The following EML5 variants were observed in gnomAD, a reference collection of about 807,000 sequenced individuals.
The protein encoded by EML5 is echinoderm microtubule-associated protein-like 5.
EML5 carries 120 observed loss-of-function variants against 250.0 expected under a neutral mutation model. That is an observed-to-expected ratio of 0.48 (90% confidence interval 0.41 to 0.56). EML5 has a LOEUF of 0.56. Ranked by LOEUF, EML5 falls within the 20% of genes least tolerant of loss-of-function variation. EML5 has a pLI of 0.00. For missense variants in EML5, 2,006 were observed against 2,437.6 expected, an observed-to-expected ratio of 0.82 and a Z score of 3.73; for synonymous variants, 771 against 806.5, an observed-to-expected ratio of 0.96 and a Z score of 0.75.
intron 29 of EML5, 110 bp from the exon 30 acceptor site, chr14:88,644,621 G>T: frequency 1.1e-6 from 1 of 927,236 alleles, no homozygotes; most frequent in South Asian, 1.5e-5. Context: ...TCCCAAAGAT[G>T]ACCCATTCTG....
At position 88,616,155 on chromosome 14, in the gene EML5, C is replaced by T; in HGVS notation, c.5884G>A (p.Gly1962Ser). 6.2e-7 allele frequency: 1 copy of T among 1,613,880 alleles called. No individual in the cohort carries two copies. The highest frequency in any genetic ancestry group is 8.5e-7 in the Non-Finnish European group (1 of 1,179,800). The change falls in exon 43 of 44, where the codon GGT becomes AGT. Residue 1962 changes from glycine (G) to serine (S), a missense_variant. Gly to Ser is a moderately conservative substitution (Grantham distance 56). Around this residue, in one of 7 missense-constraint regions of EML5, gnomAD observed 56 missense variants for 55.1 expected, o/e 1.02. Transcript: ENST00000554922. ...SGDRHVVSAG[G>S]DDCSLFVWKC... The stretch of plus-strand genomic sequence containing the variant: ...AAAGTTACTAACCTGCAGTCATCAC[C>T]TCCAGCACTAACAACATGTCGATCA...
At chr14:88,772,257 C>G (rs1327004383) in intron 1 of EML5, among the ~76,000 whole-genome samples, 2 of 152,200 alleles carry the variant, frequency 1.3e-5, no homozygotes, top group Non-Finnish European at 2.9e-5. Context: ...CAGCATTCAT[C>G]TTACATCACA....
chr14:88,782,846 G>C (rs2094510771), intron 1 of EML5, among the ~76,000 whole-genome samples: 2 of 152,180 alleles, frequency 1.3e-5, no homozygotes, highest in Admixed American at 6.5e-5. Context: ...TTGGGAGGCT[G>C]AGGTGGGTGG....
At chr14:88,710,740 A>C (rs2093391258) in intron 10 of EML5, among the ~76,000 whole-genome samples, 1 of 146,306 alleles carries the variant, frequency 6.8e-6, no homozygotes, top group South Asian at 2.1e-4. Context: ...AATTACTAAC[A>C]AAAAAGCTAA....
chr14:88,770,982 A>G (rs1211986390), intron 1 of EML5, among the ~76,000 whole-genome samples: 1 of 152,210 alleles, frequency 6.6e-6, no homozygotes, highest in Non-Finnish European at 1.5e-5. Flanking sequence ...TCCCACAATT[A>G]CATATTAAGT....
intron 21 of EML5, among the ~76,000 whole-genome samples, chr14:88,674,031 G>A (rs887432301): frequency 3.9e-5 from 6 of 152,310 alleles, no homozygotes; most frequent in Admixed American, 3.3e-4. Context: ...CATTTTGGAA[G>A]GCTGAGGTGG....
intron 18 of EML5, among the ~76,000 whole-genome samples, chr14:88,687,865 CAGG>C (rs1346146882): frequency 2.0e-5 from 3 of 152,064 alleles, no homozygotes; most frequent in Admixed American, 2.0e-4. Flanking sequence ...AGCTTAAGCC[CAGG>C]AGTTGGAGAC....
Position 88,715,126 on chromosome 14 carries a change from A to G in EML5, c.1257T>C (p.Asp419=), listed in dbSNP as rs368932434. The change falls in exon 9 of 44, where the codon GAT becomes GAC. Residue 419 remains aspartate (D), a synonymous_variant. Transcript: ENST00000554922. ...TGCATCCAACAGCAAGGTAAGTTCCATCTGGTGAATATTTTAACTCATGAA... is the reference window on the plus strand; with the variant it reads ...TGCATCCAACAGCAAGGTAAGTTCCGTCTGGTGAATATTTTAACTCATGAA... The part of the protein sequence containing the change: ...EAIHELKYSP[D]GTYLAVGCND... 17 of 1,612,570 alleles carry G rather than the reference A, an allele frequency of 1.1e-5. No individual in the cohort carries two copies. In the African/African-American group the frequency reaches 2.3e-4, roughly 22 times the overall value.
intron 25 of EML5, among the ~76,000 whole-genome samples, chr14:88,660,908 A>C (rs1210948514): frequency 6.6e-6 from 1 of 152,140 alleles, no homozygotes; most frequent in Non-Finnish European, 1.5e-5. Context: ...GGTTTCAAAA[A>C]AAGTCATTCA....
chr14:88,706,145 A>G, intron 11 of EML5, 114 bp downstream of exon 11: 1 of 1,009,228 alleles, frequency 9.9e-7, no homozygotes, highest in Non-Finnish European at 1.4e-6. Context: ...TACTAATAAC[A>G]AACTACACTG....
Position 88,736,561 on chromosome 14 carries a change from C to A in EML5, c.852G>T (p.Leu284Phe). ...CTCGCCAACACACACTCCTTACAGA[C>A]AAACCTAGTAAAAAGTAAATTGTAT... The part of the protein sequence containing the change: ...LRETDQGYKG[L>F]SVRSVCWRGD... The change falls in exon 7 of 44, where the codon TTG (leucine) becomes TTT (phenylalanine). Residue 284 changes from leucine to phenylalanine, a missense_variant. By Grantham distance (22) the Leu-to-Phe change is conservative. Around this residue, in one of 7 missense-constraint regions of EML5, gnomAD observed 1,375 missense variants for 1,590.3 expected, o/e 0.86. Coordinates refer to ENST00000554922, the MANE Select transcript of EML5 (RefSeq NM_183387.3). The A allele has an allele frequency of 6.2e-7, 1 of 1,613,714 alleles. No individual in the cohort carries two copies. Among genetic ancestry groups the A allele is most frequent in the Non-Finnish European group, 8.5e-7 (1 of 1,179,792 alleles).
intron 31 of EML5, among the ~76,000 whole-genome samples, chr14:88,642,343 G>A (rs2091109068): frequency 6.6e-6 from 1 of 152,096 alleles, no homozygotes; most frequent in African/African-American, 2.4e-5. Context: ...TAATCCAACT[G>A]AATAACCCAA....
At chr14:88,746,076 CAT>C in intron 3 of EML5, 107 bp downstream of exon 3, 3 of 803,862 alleles carry the variant, frequency 3.7e-6, no homozygotes, top group Non-Finnish European at 5.9e-6. Flanking sequence ...ATTTTAATTA[CAT>C]ATGACCTATC....
At chr14:88,651,542 A>G (rs961946151) in intron 27 of EML5, among the ~76,000 whole-genome samples, 4 of 152,008 alleles carry the variant, frequency 2.6e-5, no homozygotes, top group African/African-American at 7.2e-5. Flanking sequence ...TTTATCCAAT[A>G]AATAATTTTT....
At chr14:88,729,154 G>T (rs533947588) in intron 7 of EML5, among the ~76,000 whole-genome samples, 2 of 151,690 alleles carry the variant, frequency 1.3e-5, no homozygotes, top group Non-Finnish European at 2.9e-5. Context: ...GTGTGTGTAC[G>T]TGTACATATA....
intron 14 of EML5, among the ~76,000 whole-genome samples, chr14:88,701,576 A>G (rs2093210429): frequency 6.6e-6 from 1 of 152,164 alleles, no homozygotes; most frequent in Admixed American, 6.6e-5. Context: ...AGAGGCACAA[A>G]GAAAGGAAGA....
chr14:88,686,838 A>AG (rs1223928155), intron 19 of EML5, among the ~76,000 whole-genome samples: 1 of 152,130 alleles, frequency 6.6e-6, no homozygotes, highest in African/African-American at 2.4e-5. Flanking sequence ...CAAATGGCAA[A>AG]GGGAAAAAAG....
chr14:88,687,146 G>A (rs2092851079), intron 19 of EML5, 70 bp downstream of exon 19: 2 of 1,190,934 alleles, frequency 1.7e-6, no homozygotes, highest in East Asian at 5.2e-5. Context: ...TTCCACCTCA[G>A]TGATCACACA....
intron 21 of EML5, among the ~76,000 whole-genome samples, chr14:88,672,141 A>G (rs1276409769): frequency 6.6e-6 from 1 of 152,204 alleles, no homozygotes; most frequent in African/African-American, 2.4e-5. Context: ...AATCGATCAC[A>G]TAATTGAAAG....
Sources: allele counts gnomAD v4.1 joint callset (sites outside exome capture counted in the v4.1 genomes callset), GRCh38; gene constraint gnomAD v4.1.1; regional missense constraint gnomAD v4.1.1; transcripts MANE v1.5; gene names NCBI Gene and HGNC (gene_info 2026-07-23, HGNC 2026-07-21).